ZC3H12B: variants seen among roughly 807,000 people sequenced by gnomAD.
The protein encoded by ZC3H12B is probable ribonuclease ZC3H12B.
ZC3H12B carries 7 observed loss-of-function variants against 43.9 expected under a neutral mutation model. That is an observed-to-expected ratio of 0.16 (90% CI 0.09 to 0.30). ZC3H12B has a LOEUF of 0.30. Among genes scored for constraint, ZC3H12B ranks in the 10% least tolerant of loss-of-function variants. The probability of loss-of-function intolerance (pLI) is 1.00; values close to 1 mark genes in which losing one functional copy is unlikely to be tolerated. For missense variants in ZC3H12B, 475 were observed against 670.2 expected (o/e 0.71, Z 3.22); for synonymous variants, 222 against 241.7 (o/e 0.92, Z 0.76).
chrX:65,093,979 G>A, the ZC3H12B span, among the ~76,000 whole-genome samples: 1 of 111,345 alleles, frequency 9.0e-6, no homozygotes, highest in African/African-American at 3.3e-5. Context: ...CAATGTTGGA[G>A]GTGGGGCCTG....
At chrX:65,196,327 G>A in the ZC3H12B span, among the ~76,000 whole-genome samples, 1 of 110,846 alleles carries the variant, frequency 9.0e-6, no homozygotes, top group Non-Finnish European at 1.9e-5. Flanking sequence ...CAAAAAATGA[G>A]GGTGAAAAAA....
the ZC3H12B span, among the ~76,000 whole-genome samples, chrX:65,223,279 A>G: frequency 1.8e-5 from 2 of 110,167 alleles, no homozygotes; most frequent in Admixed American, 9.7e-5. Flanking sequence ...ACTCCAGCCT[A>G]TGTGATAGAG....
At chrX:65,097,284 C>A in the ZC3H12B span, among the ~76,000 whole-genome samples, 1 of 111,681 alleles carries the variant, frequency 9.0e-6, no homozygotes, top group African/African-American at 3.3e-5. Flanking sequence ...TCTAATCAAC[C>A]AAAAGAGGTT....
the ZC3H12B span, among the ~76,000 whole-genome samples, chrX:65,214,736 T>A: frequency 8.9e-6 from 1 of 112,055 alleles, no homozygotes; most frequent in East Asian, 2.8e-4. Context: ...TCATGAATGT[T>A]CTTTATGGCA....
chrX:65,497,883 G>A (rs770223595), intron 2 of ZC3H12B, among the ~76,000 whole-genome samples: 7 of 111,636 alleles, frequency 6.3e-5, no homozygotes, highest in Non-Finnish European at 1.1e-4. Context: ...TGAAGCAATT[G>A]AAAACGAAAT....
At chrX:65,150,670 A>T in the ZC3H12B span, among the ~76,000 whole-genome samples, 8 of 111,759 alleles carry the variant, frequency 7.2e-5, no homozygotes, top group African/African-American at 2.6e-4. Flanking sequence ...ACATGATCTC[A>T]TTCCTTTTCA....
the ZC3H12B span, among the ~76,000 whole-genome samples, chrX:65,163,535 G>T: frequency 9.0e-6 from 1 of 111,520 alleles, no homozygotes; most frequent in East Asian, 2.9e-4. Context: ...TGCTGTGCTT[G>T]CAATCAGTGA....
the ZC3H12B span, among the ~76,000 whole-genome samples, chrX:65,172,828 C>G: frequency 8.9e-6 from 1 of 111,867 alleles, no homozygotes; most frequent in African/African-American, 3.2e-5. Flanking sequence ...ATTACTGTAG[C>G]CTTGTAGTAT....
the ZC3H12B span, among the ~76,000 whole-genome samples, chrX:65,314,133 A>G: frequency 9.1e-6 from 1 of 110,222 alleles, no homozygotes; most frequent in East Asian, 2.8e-4. Flanking sequence ...GAACACAGAG[A>G]AAAAAAAATT....
the ZC3H12B span, among the ~76,000 whole-genome samples, chrX:65,309,618 G>A: frequency 7.1e-5 from 8 of 111,969 alleles, no homozygotes; most frequent in African/African-American, 2.6e-4. Context: ...AATAGAAAAA[G>A]ACAGAATCCT....
intron 3 of ZC3H12B, among the ~76,000 whole-genome samples, chrX:65,419,736 G>A (rs1315077603): frequency 3.6e-5 from 4 of 110,163 alleles, no homozygotes; most frequent in African/African-American, 9.9e-5. Context: ...TATGGCCCTA[G>A]GATCAAGATT....
intron 3 of ZC3H12B, among the ~76,000 whole-genome samples, chrX:65,453,376 A>ATC (rs1450133426): frequency 4.9e-5 from 4 of 81,888 alleles, no homozygotes. Context: ...ATATATATAT[A>ATC]TATATATATA....
the ZC3H12B span, among the ~76,000 whole-genome samples, chrX:65,166,703 C>G: frequency 2.7e-5 from 3 of 111,489 alleles, no homozygotes. Context: ...CTCTCCTGCA[C>G]CTGGTGTTTC....
the ZC3H12B span, among the ~76,000 whole-genome samples, chrX:65,054,510 T>A: frequency 8.9e-6 from 1 of 111,855 alleles, no homozygotes; most frequent in Non-Finnish European, 1.9e-5. Context: ...TAGTTTGAAG[T>A]CAGGTAGTGT....
chrX:65,348,301 G>A, the ZC3H12B span, among the ~76,000 whole-genome samples: 1 of 111,124 alleles, frequency 9.0e-6, no homozygotes, highest in Non-Finnish European at 1.9e-5. Flanking sequence ...TCTTTTACAG[G>A]GAAGCAAATG....
chrX:65,355,107 G>A, the ZC3H12B span, among the ~76,000 whole-genome samples: 34 of 111,615 alleles, frequency 3.0e-4, no homozygotes, highest in South Asian at 0.011. Flanking sequence ...AGGAAATACA[G>A]AGGACACCAC....
chrX:65,045,328 T>C, the ZC3H12B span, among the ~76,000 whole-genome samples: 1 of 112,316 alleles, frequency 8.9e-6, no homozygotes, highest in Non-Finnish European at 1.9e-5. Context: ...AGAACTTCTT[T>C]CAAAATTAGA....
intron 3 of ZC3H12B, chrX:65,408,250 A>G (rs1350173436): frequency 2.6e-6 from 3 of 1,167,495 alleles, no homozygotes; most frequent in African/African-American, 3.5e-5. Flanking sequence ...AAAAGACAGA[A>G]ATGCAGAGGC....
At chrX:65,317,913 A>G in the ZC3H12B span, among the ~76,000 whole-genome samples, 2 of 104,032 alleles carry the variant, frequency 1.9e-5, no homozygotes, top group African/African-American at 7.0e-5. Context: ...TTATTTATCC[A>G]CTGATTGATT....
Sources: allele counts gnomAD v4.1 joint callset (sites outside exome capture counted in the v4.1 genomes callset), GRCh38; gene constraint gnomAD v4.1.1; transcripts MANE v1.5; gene names NCBI Gene and HGNC (gene_info 2026-07-23, HGNC 2026-07-21).